PCDH9: variants seen among roughly 807,000 people sequenced by gnomAD.
PCDH9 encodes the protein protocadherin 9, also known as protocadherin-9.
A neutral mutation model predicts 70.6 loss-of-function variants in PCDH9; 24 were observed. The ratio of observed to expected loss-of-function variants is 0.34; its 90% CI spans 0.25 to 0.48. The LOEUF (loss-of-function observed/expected upper bound fraction) is 0.48, where lower values mean the gene tolerates loss of function less well. Ranked by LOEUF, PCDH9 falls within the 20% of genes least tolerant of loss-of-function variation. PCDH9 has a pLI of 0.99. For synonymous variants in PCDH9, 562 were observed against 558.5 expected, an observed-to-expected ratio of 1.01 and a Z score of -0.09; for missense variants, 1,281 against 1,503.6, an observed-to-expected ratio of 0.85 and a Z score of 2.45.
At chr13:67,105,548 T>C (rs866147023) in intron 2 of PCDH9, among the ~76,000 whole-genome samples, 2 of 152,114 alleles carry the variant, frequency 1.3e-5, no homozygotes, top group African/African-American at 2.4e-5. Context: ...ATGTGTGCTT[T>C]TTTTCTTTAC....
At chr13:66,887,439 T>C (rs1364058468) in intron 3 of PCDH9, among the ~76,000 whole-genome samples, 1 of 151,766 alleles carries the variant, frequency 6.6e-6, no homozygotes, top group African/African-American at 2.4e-5. Context: ...ACAAACAAAG[T>C]AGGAAAGGAA....
chr13:66,669,829 A>G (rs992237512), intron 3 of PCDH9, among the ~76,000 whole-genome samples: 1 of 152,218 alleles, frequency 6.6e-6, no homozygotes, highest in Non-Finnish European at 1.5e-5. Flanking sequence ...CTTTGTATAT[A>G]AAATGTGTTA....
chr13:66,828,003 G>A (rs930848507), intron 3 of PCDH9, among the ~76,000 whole-genome samples: 2 of 151,960 alleles, frequency 1.3e-5, no homozygotes, highest in East Asian at 1.9e-4. Flanking sequence ...AAAATAGATC[G>A]CATCTTCTCT....
intron 2 of PCDH9, among the ~76,000 whole-genome samples, chr13:67,130,446 G>A (rs1049961656): frequency 6.6e-6 from 1 of 151,900 alleles, no homozygotes; most frequent in Admixed American, 6.6e-5. Context: ...TCTAAAAAAG[G>A]TATTGTTAGT....
chr13:66,823,081 T>C (rs1011607925), intron 3 of PCDH9, among the ~76,000 whole-genome samples: 2 of 152,050 alleles, frequency 1.3e-5, no homozygotes, highest in African/African-American at 4.8e-5. Flanking sequence ...GTGAAAACTT[T>C]CAATTTATGC....
At chr13:66,603,993 A>G (rs1182021080) in intron 4 of PCDH9, among the ~76,000 whole-genome samples, 1 of 151,908 alleles carries the variant, frequency 6.6e-6, no homozygotes, top group East Asian at 1.9e-4. Flanking sequence ...CTCCCCTTTC[A>G]TTTATGATGA....
Position 66,767,055 on chromosome 13 carries a change from A to G in PCDH9, c.3139-135644T>C, listed in dbSNP as rs141893529. 1.5e-3 allele frequency among the ~76,000 whole-genome samples: 221 copies of G among 152,194 alleles called. 3 individuals are homozygous for G. Among genetic ancestry groups the G allele is most frequent in the African/African-American group, 5.0e-3 (209 of 41,490 alleles). Reference sequence around the variant, plus strand: ...AATATATAATGTTTAAAATCTCCTTACATTAACTGACTTCTAGGTCTGATA... The same window carrying G: ...AATATATAATGTTTAAAATCTCCTTGCATTAACTGACTTCTAGGTCTGATA... On this transcript the variant is annotated intron_variant, in intron 3 of 4. Transcript: ENST00000377865.
intron 3 of PCDH9, among the ~76,000 whole-genome samples, chr13:66,808,380 T>C (rs2080444237): frequency 1.3e-5 from 2 of 152,164 alleles, no homozygotes; most frequent in Non-Finnish European, 2.9e-5. Context: ...AAAAAAGATA[T>C]AGGCAATATG....
chr13:67,200,848 A>G (rs2089193283), intron 2 of PCDH9, among the ~76,000 whole-genome samples: 1 of 152,112 alleles, frequency 6.6e-6, no homozygotes, highest in South Asian at 2.1e-4. Context: ...TTCATCACTT[A>G]GGAGAACGAC....
chr13:66,870,037 A>G (rs2081646695), intron 3 of PCDH9, among the ~76,000 whole-genome samples: 2 of 152,076 alleles, frequency 1.3e-5, no homozygotes, highest in Non-Finnish European at 2.9e-5. Context: ...GTTTTCTTCT[A>G]GGGTTTTTAT....
intron 4 of PCDH9, among the ~76,000 whole-genome samples, chr13:66,459,951 G>T (rs921014375): frequency 1.4e-4 from 22 of 151,858 alleles, no homozygotes; most frequent in Non-Finnish European, 2.9e-4. Flanking sequence ...CCAGTTTACA[G>T]CTCAATGTAT....
intron 3 of PCDH9, among the ~76,000 whole-genome samples, chr13:66,843,721 A>G (rs1244921237): frequency 6.6e-6 from 1 of 152,220 alleles, no homozygotes. Context: ...GCATGCTGAG[A>G]ACATATGAGC....
At chr13:66,502,173 A>T (rs1959180258) in intron 4 of PCDH9, among the ~76,000 whole-genome samples, 1 of 152,186 alleles carries the variant, frequency 6.6e-6, no homozygotes, top group South Asian at 2.1e-4. Flanking sequence ...TAAATGTAAA[A>T]GTGAAAACAA....
chr13:66,832,350 T>A (rs865917283), intron 3 of PCDH9, among the ~76,000 whole-genome samples: 2 of 152,100 alleles, frequency 1.3e-5, no homozygotes, highest in Non-Finnish European at 2.9e-5. Flanking sequence ...TAAAACACAC[T>A]GCAAAAATTT....
rs543034029 is a variant in PCDH9, at chr13:67,083,149, TTGA to T, written c.3036+142253_3036+142255del. Among the ~76,000 whole-genome samples, 495 of 152,286 alleles carry T rather than the reference TTGA, an allele frequency of 3.3e-3. 1 individual carries two copies. Among genetic ancestry groups the T allele is most frequent in the African/African-American group, 0.011 (446 of 41,584 alleles). On this transcript the variant is annotated intron_variant, in intron 2 of 4. Transcript: ENST00000377865. Reference sequence around the variant, plus strand: ...AAAAAGTATAGTTAATCTCTGTGAATTGATGATATATTCTGCATCTCATTCAAC... The same window carrying T: ...AAAAAGTATAGTTAATCTCTGTGAATTGATATATTCTGCATCTCATTCAAC...
chr13:66,793,460 T>C (rs2080192610), intron 3 of PCDH9, among the ~76,000 whole-genome samples: 1 of 152,184 alleles, frequency 6.6e-6, no homozygotes. Context: ...AAATTAATCC[T>C]TAATACCATT....
chr13:66,834,157 C>CTTTT (rs11431335), intron 3 of PCDH9, among the ~76,000 whole-genome samples: 6 of 124,552 alleles, frequency 4.8e-5, no homozygotes, highest in Admixed American at 8.6e-5. Flanking sequence ...TACCTATGGT[C>CTTTT]TTTTTTTTTT....
At chr13:66,898,234 G>A (rs2139585607) in intron 3 of PCDH9, among the ~76,000 whole-genome samples, 1 of 152,004 alleles carries the variant, frequency 6.6e-6, no homozygotes, top group African/African-American at 2.4e-5. Flanking sequence ...AATATGTTAG[G>A]AGTTATTCCC....
chr13:66,578,765 G>T (rs1479885875), intron 4 of PCDH9, among the ~76,000 whole-genome samples: 1 of 152,032 alleles, frequency 6.6e-6, no homozygotes, highest in African/African-American at 2.4e-5. Flanking sequence ...TAAAAACAAT[G>T]ATTATAACAT....
Sources: gnomAD v4.1 joint callset for allele counts (sites outside exome capture counted in the v4.1 genomes callset) on GRCh38, gnomAD v4.1.1 for gene constraint, MANE v1.5 for transcripts, NCBI Gene and HGNC (gene_info 2026-07-23, HGNC 2026-07-21) for gene names.